FTO: variants seen among roughly 807,000 people sequenced by gnomAD.
FTO encodes FTO alpha-ketoglutarate dependent dioxygenase.
A neutral mutation model predicts 63.9 loss-of-function variants in FTO; 47 were observed. That is an observed-to-expected ratio of 0.74 (90% CI 0.58 to 0.94). FTO has a LOEUF of 0.94. Among genes scored for constraint, FTO ranks in the 40% least tolerant of loss-of-function variants. FTO has a pLI of 0.00. For missense variants in FTO, 562 were observed against 618.1 expected (o/e 0.91, Z 0.96); for synonymous variants, 207 against 224.4 (o/e 0.92, Z 0.69).
chr16:53,732,928 T>A (rs1381765202), intron 1 of FTO, among the ~76,000 whole-genome samples: 1 of 152,232 alleles, frequency 6.6e-6, no homozygotes, highest in Non-Finnish European at 1.5e-5. Flanking sequence ...AAAGGGAATC[T>A]GGTGTCATGT....
At chr16:53,854,084 A>G (rs1733579389) in intron 4 of FTO, among the ~76,000 whole-genome samples, 1 of 151,942 alleles carries the variant, frequency 6.6e-6, no homozygotes, top group African/African-American at 2.4e-5. Context: ...GATATTGAGC[A>G]TTTTTTCATA....
intron 3 of FTO, 151 bp from the exon 4 acceptor site, chr16:53,844,004 A>G: frequency 1.5e-6 from 1 of 673,818 alleles, no homozygotes. Context: ...AACCTAGAAT[A>G]TCTTTTTAAA....
At chr16:53,895,586 CAG>C in intron 7 of FTO, among the ~76,000 whole-genome samples, 1 of 152,282 alleles carries the variant, frequency 6.6e-6, no homozygotes, top group South Asian at 2.1e-4. Context: ...TACTTAAAGA[CAG>C]AGGTGTTGAA....
At chr16:53,884,863 G>A (rs1264893855) in intron 6 of FTO, among the ~76,000 whole-genome samples, 1 of 152,176 alleles carries the variant, frequency 6.6e-6, no homozygotes, top group Non-Finnish European at 1.5e-5. Context: ...AGAGAACCCT[G>A]AGAGCTCCTG....
intron 1 of FTO, among the ~76,000 whole-genome samples, chr16:53,778,744 C>G (rs2077518158): frequency 6.6e-6 from 1 of 152,032 alleles, no homozygotes; most frequent in African/African-American, 2.4e-5. Flanking sequence ...GCTGTTAGCC[C>G]AGGGTCGGAA....
intron 1 of FTO, among the ~76,000 whole-genome samples, chr16:53,713,285 A>G (rs139328364): frequency 9.2e-5 from 14 of 152,286 alleles, no homozygotes; most frequent in African/African-American, 2.9e-4. Context: ...ATGCCAGTTT[A>G]CCTTTCAGAT....
chr16:53,997,891 C>T (rs1414043769), intron 8 of FTO, among the ~76,000 whole-genome samples: 1 of 152,130 alleles, frequency 6.6e-6, no homozygotes, highest in Non-Finnish European at 1.5e-5. Context: ...GTGACTTCCA[C>T]AGTCAAATAC....
chr16:53,866,779 G>A (rs1054771275), intron 4 of FTO, among the ~76,000 whole-genome samples: 5 of 151,834 alleles, frequency 3.3e-5, no homozygotes, highest in African/African-American at 1.2e-4. Context: ...TCTGCCTAGA[G>A]GTTTATCAAT....
At chr16:54,087,989 G>A (rs1369860343) in intron 8 of FTO, among the ~76,000 whole-genome samples, 1 of 152,184 alleles carries the variant, frequency 6.6e-6, no homozygotes, top group Non-Finnish European at 1.5e-5. Context: ...AAGGTATTTA[G>A]TTCTAGTCAC....
chr16:53,822,485 C>T (rs1284949280), intron 2 of FTO, among the ~76,000 whole-genome samples: 1 of 151,962 alleles, frequency 6.6e-6, no homozygotes, highest in Admixed American at 6.6e-5. Context: ...TTTTGATTTC[C>T]GCAGTGTAAA....
chr16:53,907,371 A>G (rs1294466968), intron 7 of FTO, among the ~76,000 whole-genome samples: 1 of 152,214 alleles, frequency 6.6e-6, no homozygotes, highest in Non-Finnish European at 1.5e-5. Flanking sequence ...AGTACACTGT[A>G]GAGTACAGTA....
chr16:54,074,933 T>A (rs2085956880), intron 8 of FTO, among the ~76,000 whole-genome samples: 2 of 148,102 alleles, frequency 1.4e-5, no homozygotes, highest in Non-Finnish European at 3.0e-5. Context: ...TGTGTGTGTG[T>A]GTGTGTGTGT....
chr16:53,720,198 C>G (rs2076004015), intron 1 of FTO, among the ~76,000 whole-genome samples: 8 of 152,094 alleles, frequency 5.3e-5, no homozygotes, highest in Admixed American at 5.2e-4. Flanking sequence ...CTTGGAGTTT[C>G]ACATATGCCA....
At chr16:54,049,633 A>G (rs1167308057) in intron 8 of FTO, among the ~76,000 whole-genome samples, 2 of 152,230 alleles carry the variant, frequency 1.3e-5, no homozygotes, top group Non-Finnish European at 2.9e-5. Context: ...CTTTGCATTT[A>G]ACTCATTCAA....
At chr16:53,979,608 C>T (rs982582750) in intron 8 of FTO, 4 of 388,966 alleles carry the variant, frequency 1.0e-5, no homozygotes, top group African/African-American at 8.3e-5. Flanking sequence ...TTTTCCCCTT[C>T]CTTTTGTGGC....
chr16:54,099,349 A>C lies in FTO; in HGVS notation c.1365-12413A>C, dbSNP rs746872977. On this transcript the variant is annotated intron_variant, in intron 8 of 8. Transcript: ENST00000471389. ...GAGTTCATTCTATTCCCTTGCAAGG[A>C]AAGTTACTCTAGACTGCTTTGAAAT... Among the ~76,000 whole-genome samples, 132 of 152,200 alleles carry C rather than the reference A, an allele frequency of 8.7e-4. 4 individuals carry two copies. Among genetic ancestry groups the C allele is most frequent in the Non-Finnish European group, 2.9e-4 (20 of 68,040 alleles).
At chr16:54,096,234 A>G (rs1413396680) in intron 8 of FTO, among the ~76,000 whole-genome samples, 3 of 152,228 alleles carry the variant, frequency 2.0e-5, no homozygotes, top group African/African-American at 7.2e-5. Flanking sequence ...TTTATGTGGG[A>G]CAAAGCAATG....
intron 1 of FTO, among the ~76,000 whole-genome samples, chr16:53,758,450 A>G (rs939105191): frequency 6.6e-6 from 1 of 152,212 alleles, no homozygotes; most frequent in Admixed American, 6.5e-5. Context: ...GGAAGGATAC[A>G]TGAGGATTCC....
intron 7 of FTO, among the ~76,000 whole-genome samples, chr16:53,914,356 A>AT (rs572811615): frequency 0.021 from 3,055 of 148,872 alleles, 54 homozygotes; most frequent in South Asian, 0.037. Context: ...TGTTGAAATA[A>AT]TTTTTTTTTT....
Sources: gnomAD v4.1 joint callset for allele counts (sites outside exome capture counted in the v4.1 genomes callset) on GRCh38, gnomAD v4.1.1 for gene constraint, MANE v1.5 for transcripts, NCBI Gene and HGNC (gene_info 2026-07-23, HGNC 2026-07-21) for gene names.